The following CRYZL1 variants were observed in gnomAD, a reference collection of about 807,000 sequenced individuals.
CRYZL1 encodes crystallin zeta like 1.
Under a neutral mutation model 50.6 loss-of-function variants are expected in CRYZL1, and 34 were observed. The ratio of observed to expected loss-of-function variants is 0.67; its 90% CI spans 0.51 to 0.89. The LOEUF (loss-of-function observed/expected upper bound fraction) is 0.89, where lower values mean the gene tolerates loss of function less well. Ranked by LOEUF, CRYZL1 falls within the 40% of genes least tolerant of loss-of-function variation. The probability of loss-of-function intolerance (pLI) is 0.00; values close to 1 mark genes in which losing one functional copy is unlikely to be tolerated. For missense variants in CRYZL1, 354 were observed against 402.3 expected (o/e 0.88, Z 1.03); for synonymous variants, 125 against 134.3 (o/e 0.93, Z 0.48).
At chr21:33,595,103 T>A (rs1371637183) in intron 11 of CRYZL1, 1 of 945,220 alleles carries the variant, frequency 1.1e-6, no homozygotes, top group Admixed American at 5.1e-5. Flanking sequence ...TCTAAAGAGG[T>A]TTGCACCTTT....
rs533207527 is a variant in CRYZL1 at position 33,600,658 on chromosome 21, C to T, written c.578-1410G>A. Among the ~76,000 whole-genome samples the T allele has an allele frequency of 3.4e-3, 512 of 150,340 alleles. 2 individuals are homozygous for T. The highest frequency in any genetic ancestry group is 0.012 in the African/African-American group (486 of 40,894). ...TTTTTTTTTTTGAGATGGAGTCTCG[C>T]TCTGTCACCCAGTCTGGAGTGCAGT... On this transcript the variant is annotated intron_variant, in intron 8 of 12. Coordinates refer to ENST00000381554, the MANE Select transcript of CRYZL1 (RefSeq NM_145858.3).
intron 4 of CRYZL1, among the ~76,000 whole-genome samples, chr21:33,618,144 C>T (rs1021171485): frequency 6.6e-6 from 1 of 151,942 alleles, no homozygotes; most frequent in Admixed American, 6.6e-5. Flanking sequence ...AAAAAATTAG[C>T]CGGGCGTGGT....
At chr21:33,624,553 T>TA in intron 3 of CRYZL1, 130 bp downstream of exon 3, 1 of 1,426,306 alleles carries the variant, frequency 7.0e-7, no homozygotes, top group South Asian at 1.4e-5. Context: ...CCGTCTCAAA[T>TA]AAAAAAATTA....
rs541871149 is a variant in CRYZL1, at chr21:33,622,337, T to C, written c.145-269A>G. On this transcript the variant is annotated intron_variant, in intron 3 of 12. Coordinates refer to ENST00000381554, the MANE Select transcript of CRYZL1 (RefSeq NM_145858.3). The stretch of plus-strand genomic sequence containing the variant: ...ATTAACATCCTTTGTTTAACATCTT[T>C]ACTCTGCCAAGTATGAAGGGAAATT... Among the ~76,000 whole-genome samples, 4 of 152,346 alleles carry C rather than the reference T, an allele frequency of 2.6e-5. No homozygotes were observed. In the South Asian group the frequency reaches 8.3e-4, roughly 32 times the overall value.
At chr21:33,601,749 CTACAAAAAA>C (rs1393522775) in intron 8 of CRYZL1, among the ~76,000 whole-genome samples, 4 of 151,996 alleles carry the variant, frequency 2.6e-5, no homozygotes, top group Admixed American at 6.6e-5. Flanking sequence ...AAACCCGTCT[CTACAAAAAA>C]TACAAAAAAT....
At chr21:33,613,784 C>T (rs746507817) in intron 5 of CRYZL1, among the ~76,000 whole-genome samples, 178 bp from the exon 6 acceptor site, 6 of 152,192 alleles carry the variant, frequency 3.9e-5, no homozygotes, top group East Asian at 1.9e-4. Context: ...CTCCTGCTAT[C>T]GCTTTCTTCT....
intron 6 of CRYZL1, among the ~76,000 whole-genome samples, chr21:33,613,176 CT>C (rs954322631): frequency 9.2e-5 from 14 of 151,982 alleles, no homozygotes; most frequent in African/African-American, 3.4e-4. Flanking sequence ...CATGTACTGT[CT>C]AAATTTTATA....
intron 6 of CRYZL1, among the ~76,000 whole-genome samples, chr21:33,605,483 TGTATTTATGTTGTACACTGATGTAA>T (rs2086800389): frequency 6.6e-6 from 1 of 151,178 alleles, no homozygotes; most frequent in East Asian, 1.9e-4. Context: ...ATTTTTGTTT[TGTATTTATGTTGTACACTGATGTAA>T]TTTTTCCGCA....
At chr21:33,603,566 T>A (rs753702638) in intron 6 of CRYZL1, 29 bp from the exon 7 acceptor site, 1 of 1,612,728 alleles carries the variant, frequency 6.2e-7, no homozygotes, top group Non-Finnish European at 8.5e-7. Context: ...AGAAACAATC[T>A]GTTAGCAAGT....
At chr21:33,608,182 C>T (rs571126093) in intron 6 of CRYZL1, among the ~76,000 whole-genome samples, 9 of 152,130 alleles carry the variant, frequency 5.9e-5, no homozygotes, top group Non-Finnish European at 1.0e-4. Context: ...TGGCTGGGCG[C>T]GGTGGCTCAC....
intron 5 of CRYZL1, 137 bp downstream of exon 5, chr21:33,616,569 G>T: frequency 6.5e-7 from 1 of 1,529,118 alleles, no homozygotes; most frequent in Non-Finnish European, 8.9e-7. Flanking sequence ...TGGGATTACA[G>T]ACGTGAGCCA....
At chr21:33,612,229 C>T (rs780397367) in intron 6 of CRYZL1, among the ~76,000 whole-genome samples, 3 of 152,024 alleles carry the variant, frequency 2.0e-5, no homozygotes, top group Non-Finnish European at 4.4e-5. Context: ...TACCAACTTA[C>T]ACTCCAGCAC....
At chr21:33,591,063 G>T in intron 12 of CRYZL1, 99 bp downstream of exon 12, 1 of 829,496 alleles carries the variant, frequency 1.2e-6, no homozygotes, top group African/African-American at 1.7e-5. Context: ...GGAGGCAACA[G>T]GTACATGGCG....
intron 1 of CRYZL1, among the ~76,000 whole-genome samples, chr21:33,632,273 G>A (rs552228433): frequency 5.9e-5 from 9 of 151,766 alleles, no homozygotes; most frequent in Non-Finnish European, 7.4e-5. Context: ...CATAGGTTGC[G>A]GTGAGCCGAG....
At chr21:33,632,365 T>C (rs929501791) in intron 1 of CRYZL1, among the ~76,000 whole-genome samples, 2 of 152,030 alleles carry the variant, frequency 1.3e-5, no homozygotes, top group African/African-American at 4.8e-5. Context: ...AATAAACTTA[T>C]ATTCTGTGAA....
intron 6 of CRYZL1, among the ~76,000 whole-genome samples, chr21:33,608,647 A>G (rs1371328478): frequency 1.3e-5 from 2 of 152,104 alleles, no homozygotes; most frequent in African/African-American, 4.8e-5. Flanking sequence ...TGCCTGGCTT[A>G]TTTCACTCAG....
chr21:33,605,536 T>TTTTTTTTTTTTTTTTTTTTTTTTTTG, intron 6 of CRYZL1, among the ~76,000 whole-genome samples: 1 of 115,294 alleles, frequency 8.7e-6, no homozygotes, highest in African/African-American at 3.4e-5. Context: ...AATTCTTTTT[T>TTTTTTTTTTTTTTTTTTTTTTTTTTG]TTTTGAGATG....
At chr21:33,638,377 T>C (rs1471224638) in intron 1 of CRYZL1, among the ~76,000 whole-genome samples, 3 of 152,118 alleles carry the variant, frequency 2.0e-5, no homozygotes, top group Non-Finnish European at 2.9e-5. Context: ...CACACCCAGC[T>C]AATTTTTTTG....
intron 4 of CRYZL1, among the ~76,000 whole-genome samples, chr21:33,620,902 CTTTTTTTTTTT>C (rs1217062963): frequency 1.4e-5 from 1 of 69,102 alleles, no homozygotes; most frequent in Non-Finnish European, 2.6e-5. Context: ...GGTGTCCAAT[CTTTTTTTTTTT>C]TTTTTTTTTT....
Sources: allele counts gnomAD v4.1 joint callset (sites outside exome capture counted in the v4.1 genomes callset), GRCh38; gene constraint gnomAD v4.1.1; transcripts MANE v1.5; gene names NCBI Gene and HGNC (gene_info 2026-07-23, HGNC 2026-07-21).